PRKG1: variants seen among roughly 807,000 people sequenced by gnomAD.
PRKG1 encodes cGMP-dependent protein kinase 1.
Under a neutral mutation model 88.1 loss-of-function variants are expected in PRKG1, and 35 were observed. The ratio of observed to expected loss-of-function variants is 0.40; its 90% CI spans 0.30 to 0.53. PRKG1 has a LOEUF of 0.53. PRKG1 is among the 20% of genes least tolerant of loss of function. The probability of loss-of-function intolerance (pLI) is 0.59; values close to 1 mark genes in which losing one functional copy is unlikely to be tolerated. For synonymous variants in PRKG1, 303 were observed against 292.5 expected, an observed-to-expected ratio of 1.04 and a Z score of -0.37; for missense variants, 540 against 839.8, an observed-to-expected ratio of 0.64 and a Z score of 4.41.
At chr10:51,695,339 G>A (rs1841260459) in intron 3 of PRKG1, 1 of 152,100 alleles carries the variant, frequency 6.6e-6, no homozygotes, top group Non-Finnish European at 1.5e-5. Context: ...ATAGATAATG[G>A]CTCTAAGTGA....
intron 3 of PRKG1, among the ~76,000 whole-genome samples, chr10:51,556,662 C>G (rs982004181): frequency 2.6e-5 from 4 of 151,960 alleles, no homozygotes; most frequent in Non-Finnish European, 5.9e-5. Context: ...TAAGTGGGAG[C>G]TAAACATCGA....
chr10:51,256,216 T>C (rs1839554785), intron 2 of PRKG1, among the ~76,000 whole-genome samples: 1 of 152,266 alleles, frequency 6.6e-6, no homozygotes, highest in South Asian at 2.1e-4. Context: ...TTCTTAGAAC[T>C]TTTCACAGAG....
chr10:51,467,590 C>T, intron 2 of PRKG1, 133 bp from the exon 3 acceptor site: 3 of 608,084 alleles, frequency 4.9e-6, no homozygotes, highest in Non-Finnish European at 8.5e-6. Flanking sequence ...CTTGCGCTGC[C>T]TCGTGGTGAC....
intron 3 of PRKG1, among the ~76,000 whole-genome samples, chr10:51,725,518 T>C (rs1842109501): frequency 6.6e-6 from 1 of 152,154 alleles, no homozygotes; most frequent in Non-Finnish European, 1.5e-5. Context: ...CTTAATGGAT[T>C]TCTGCATACC....
intron 5 of PRKG1, among the ~76,000 whole-genome samples, chr10:51,912,787 C>A (rs541527492): frequency 6.6e-6 from 1 of 152,022 alleles, no homozygotes; most frequent in Non-Finnish European, 1.5e-5. Context: ...CACCTACCCC[C>A]TTCTGAAATT....
rs1564508866 is a variant in PRKG1, at chr10:52,188,219, TATATACATATGTATATATATAC to T, written c.1076+26262_1076+26283del. Among the ~76,000 whole-genome samples, 11 of 60,532 alleles carry T rather than the reference TATATACATATGTATATATATAC, an allele frequency of 1.8e-4. 1 individual carries two copies. The South Asian group carries it at 2.4e-3, about 13-fold the overall frequency. 39.7% of individuals were successfully genotyped at this position (60,532 alleles called of 152,430 possible). A position where few individuals can be genotyped will look rare whatever the true frequency, so the allele number is the denominator to read the frequency against. The stretch of plus-strand genomic sequence containing the variant: ...GTGTGTGTATATATATATGTGTATA[TATATACATATGTATATATATAC>T]ATATATATGTGTATATATATACATA... On this transcript the variant is annotated intron_variant, in intron 9 of 17. Transcript: ENST00000373980.
At chr10:51,410,271 T>TAC in intron 2 of PRKG1, among the ~76,000 whole-genome samples, 1 of 94,170 alleles carries the variant, frequency 1.1e-5, no homozygotes. Context: ...TATATATATA[T>TAC]GTGTGTGTGT....
At chr10:52,063,775 G>A (rs1259902653) in intron 7 of PRKG1, among the ~76,000 whole-genome samples, 6 of 152,066 alleles carry the variant, frequency 3.9e-5, no homozygotes, top group Non-Finnish European at 8.8e-5. Context: ...TCGTCCCAAT[G>A]AGTGTTCAGT....
chr10:51,270,867 A>G (rs1333059652), intron 2 of PRKG1, among the ~76,000 whole-genome samples: 1 of 152,232 alleles, frequency 6.6e-6, no homozygotes, highest in Non-Finnish European at 1.5e-5. Flanking sequence ...AGTTACAAGC[A>G]GCAGAAAAAT....
chr10:51,650,017 G>A (rs1314775679), intron 3 of PRKG1, among the ~76,000 whole-genome samples: 1 of 152,120 alleles, frequency 6.6e-6, no homozygotes, highest in Admixed American at 6.5e-5. Context: ...GCCGGCCCGA[G>A]AGTCACCATC....
chr10:51,908,725 C>CTATCTATCTATATATATATATATATA (rs1299574623), intron 5 of PRKG1: 3 of 60,638 alleles, frequency 4.9e-5, no homozygotes, highest in South Asian at 4.8e-4. Context: ...GTCTATCTAT[C>CTATCTATCTATATATATATATATATA]TATATGTAAT....
At chr10:51,638,177 G>T (rs1241938531) in intron 3 of PRKG1, among the ~76,000 whole-genome samples, 1 of 152,126 alleles carries the variant, frequency 6.6e-6, no homozygotes, top group African/African-American at 2.4e-5. Flanking sequence ...GAAATCATAT[G>T]GTCTGGCTGA....
At chr10:51,549,419 A>G (rs1386230409) in intron 3 of PRKG1, among the ~76,000 whole-genome samples, 1 of 151,858 alleles carries the variant, frequency 6.6e-6, no homozygotes, top group African/African-American at 2.4e-5. Flanking sequence ...ACCCTGCCTA[A>G]ACTAATATAG....
chr10:52,092,967 G>A (rs1279472790), intron 7 of PRKG1, among the ~76,000 whole-genome samples: 1 of 152,160 alleles, frequency 6.6e-6, no homozygotes, highest in Non-Finnish European at 1.5e-5. Flanking sequence ...GTAAAATGTG[G>A]ACTGTAGAAT....
At chr10:51,290,543 A>G (rs1369683270) in intron 2 of PRKG1, among the ~76,000 whole-genome samples, 1 of 152,128 alleles carries the variant, frequency 6.6e-6, no homozygotes, top group Non-Finnish European at 1.5e-5. Flanking sequence ...TCTCAAATCT[A>G]TGATAGTGTG....
intron 9 of PRKG1, among the ~76,000 whole-genome samples, chr10:52,204,845 G>T (rs1257389316): frequency 2.0e-5 from 3 of 152,148 alleles, no homozygotes; most frequent in East Asian, 3.9e-4. Context: ...GGTTTTCAGG[G>T]AACAAGGGAG....
intron 2 of PRKG1, among the ~76,000 whole-genome samples, chr10:51,337,565 G>GA (rs558688257): frequency 5.9e-5 from 9 of 151,840 alleles, no homozygotes; most frequent in Admixed American, 3.9e-4. Context: ...AAATTTACAA[G>GA]AAAAAAATCA....
intron 10 of PRKG1, among the ~76,000 whole-genome samples, chr10:52,269,911 G>A (rs1841672853): frequency 6.6e-6 from 1 of 152,102 alleles, no homozygotes; most frequent in African/African-American, 2.4e-5. Flanking sequence ...TGGGAGCCAT[G>A]AGGGCTGCAA....
chr10:51,405,621 T>C (rs887717765), intron 2 of PRKG1, among the ~76,000 whole-genome samples: 3 of 152,226 alleles, frequency 2.0e-5, no homozygotes, highest in African/African-American at 4.8e-5. Flanking sequence ...AATGAAGCCT[T>C]TGGCAAACTT....
Sources: gnomAD v4.1 joint callset for allele counts (sites outside exome capture counted in the v4.1 genomes callset) on GRCh38, gnomAD v4.1.1 for gene constraint, MANE v1.5 for transcripts, NCBI Gene and HGNC (gene_info 2026-07-23, HGNC 2026-07-21) for gene names.